CSMD1: variants seen among roughly 807,000 people sequenced by gnomAD.
CSMD1 encodes the protein CUB and sushi domain-containing protein 1.
Under a neutral mutation model 417.5 loss-of-function variants are expected in CSMD1, and 213 were observed. That is an observed-to-expected ratio of 0.51 (90% CI 0.46 to 0.57). The LOEUF (loss-of-function observed/expected upper bound fraction) is 0.57. Among genes scored for constraint, CSMD1 ranks in the 20% least tolerant of loss-of-function variants. The pLI, the probability that CSMD1 is intolerant of heterozygous loss-of-function variation, is 0.00. For synonymous variants in CSMD1, 2,862 were observed against 1,736.8 expected (o/e 1.65, Z -16.11); for missense variants, 6,923 against 4,529.7 (o/e 1.53, Z -15.17).
intron 2 of CSMD1, among the ~76,000 whole-genome samples, chr8:4,473,967 G>A (rs917216051): frequency 2.0e-4 from 30 of 152,130 alleles, no homozygotes; most frequent in Non-Finnish European, 3.8e-4. Context: ...GAGGATTTAG[G>A]TACCTGTGTC....
At chr8:3,906,937 G>C (rs4288401) in intron 5 of CSMD1, among the ~76,000 whole-genome samples, 1 of 152,152 alleles carries the variant, frequency 6.6e-6, no homozygotes, top group South Asian at 2.1e-4. Context: ...TTACCCATCA[G>C]AGTACTGCTG....
At chr8:3,901,572 C>T (rs1807754993) in intron 5 of CSMD1, among the ~76,000 whole-genome samples, 2 of 152,342 alleles carry the variant, frequency 1.3e-5, no homozygotes, top group South Asian at 4.1e-4. Context: ...GTAGAGTCCT[C>T]ATTCGGAGAG....
At chr8:3,768,261 G>A (rs1446226601) in intron 5 of CSMD1, among the ~76,000 whole-genome samples, 1 of 152,122 alleles carries the variant, frequency 6.6e-6, no homozygotes, top group Non-Finnish European at 1.5e-5. Context: ...GTATTCCCGG[G>A]CCAAGTGAAT....
At chr8:4,797,474 G>C (rs1798045963) in intron 1 of CSMD1, among the ~76,000 whole-genome samples, 1 of 152,024 alleles carries the variant, frequency 6.6e-6, no homozygotes, top group African/African-American at 2.4e-5. Context: ...TATTATGTTG[G>C]CGCAAAAGTC....
chr8:4,639,626 C>T (rs1393334218), intron 1 of CSMD1, among the ~76,000 whole-genome samples: 1 of 152,146 alleles, frequency 6.6e-6, no homozygotes, highest in Non-Finnish European at 1.5e-5. Context: ...TGGGTGTACT[C>T]AGATTGTGGC....
At chr8:3,493,435 A>C (rs1446339034) in intron 11 of CSMD1, among the ~76,000 whole-genome samples, 188 bp downstream of exon 11, 2 of 152,164 alleles carry the variant, frequency 1.3e-5, no homozygotes, top group East Asian at 1.9e-4. Context: ...AACAGATAAC[A>C]CATACTCCTA....
intron 1 of CSMD1, among the ~76,000 whole-genome samples, chr8:4,740,810 T>A (rs1810555626): frequency 6.6e-6 from 1 of 152,186 alleles, no homozygotes; most frequent in Non-Finnish European, 1.5e-5. Context: ...GTATAGGATA[T>A]CCTACTGAAG....
intron 1 of CSMD1, among the ~76,000 whole-genome samples, chr8:4,909,990 C>G (rs958432564): frequency 6.6e-6 from 1 of 152,164 alleles, no homozygotes; most frequent in East Asian, 1.9e-4. Context: ...CTTTTCTAAA[C>G]TTTATCAATG....
At chr8:3,553,739 A>C (rs1008291700) in intron 10 of CSMD1, among the ~76,000 whole-genome samples, 1 of 152,236 alleles carries the variant, frequency 6.6e-6, no homozygotes, top group Non-Finnish European at 1.5e-5. Flanking sequence ...TGTGAAGTAG[A>C]CATATAAATT....
chr8:3,188,671 T>C (rs1372705589), intron 35 of CSMD1, among the ~76,000 whole-genome samples: 2 of 149,354 alleles, frequency 1.3e-5, no homozygotes, highest in Non-Finnish European at 1.5e-5. Context: ...ATTATATTTA[T>C]TCAAAATATA....
intron 4 of CSMD1, among the ~76,000 whole-genome samples, chr8:4,010,671 G>T (rs116965623): frequency 1.3e-5 from 2 of 152,094 alleles, no homozygotes; most frequent in African/African-American, 4.8e-5. Context: ...GGGACCTAGA[G>T]TTCCCTGACT....
intron 1 of CSMD1, among the ~76,000 whole-genome samples, chr8:4,660,510 T>C (rs963920936): frequency 6.6e-6 from 1 of 152,092 alleles, no homozygotes; most frequent in African/African-American, 2.4e-5. Flanking sequence ...TTTGCAGATA[T>C]AGAGAAGATT....
intron 6 of CSMD1, among the ~76,000 whole-genome samples, chr8:3,729,839 G>C (rs1466512039): frequency 6.8e-6 from 1 of 147,024 alleles, no homozygotes; most frequent in Non-Finnish European, 1.5e-5. Flanking sequence ...AAGGCACCTT[G>C]CATATTCCAT....
At chr8:4,544,666 A>G (rs1452235806) in intron 2 of CSMD1, among the ~76,000 whole-genome samples, 1 of 152,220 alleles carries the variant, frequency 6.6e-6, no homozygotes, top group Non-Finnish European at 1.5e-5. Context: ...AACGTATTCC[A>G]TGTCCAGCTT....
At chr8:4,247,070 G>C (rs944350821) in intron 3 of CSMD1, among the ~76,000 whole-genome samples, 1 of 152,232 alleles carries the variant, frequency 6.6e-6, no homozygotes, top group African/African-American at 2.4e-5. Flanking sequence ...AGACATCCAA[G>C]GGCTACCCCA....
intron 26 of CSMD1, among the ~76,000 whole-genome samples, chr8:3,243,271 G>A (rs1032625809): frequency 1.9e-4 from 29 of 152,192 alleles, no homozygotes; most frequent in African/African-American, 6.0e-4. Flanking sequence ...GGAGAACAGG[G>A]GATTGATCTC....
intron 11 of CSMD1, among the ~76,000 whole-genome samples, chr8:3,474,104 GA>G (rs1393829305): frequency 6.6e-6 from 1 of 152,162 alleles, no homozygotes; most frequent in African/African-American, 2.4e-5. Flanking sequence ...TGGGGACACA[GA>G]GCCAAGTCAT....
chr8:3,068,955 CCCAACAGAAG>C (rs1413741957), intron 49 of CSMD1, among the ~76,000 whole-genome samples: 12 of 152,176 alleles, frequency 7.9e-5, no homozygotes, highest in African/African-American at 2.9e-4. Flanking sequence ...ATCATGTCTT[CCCAACAGAAG>C]CCAAAAGTTC....
chr8:3,277,393 G>A (rs935864743), intron 26 of CSMD1, among the ~76,000 whole-genome samples: 5 of 152,180 alleles, frequency 3.3e-5, no homozygotes, highest in African/African-American at 9.7e-5. Context: ...GGAAGCCCGT[G>A]AGCAAGGCAG....
Sources: allele counts gnomAD v4.1 joint callset (sites outside exome capture counted in the v4.1 genomes callset), GRCh38; gene constraint gnomAD v4.1.1; transcripts MANE v1.5; gene names NCBI Gene and HGNC (gene_info 2026-07-23, HGNC 2026-07-21).